Variants in ASF1B observed in about 807,000 individuals in gnomAD.
ASF1B encodes histone chaperone ASF1B.
A neutral mutation model predicts 16.6 loss-of-function variants in ASF1B; 10 were observed. That is an observed-to-expected ratio of 0.60 (90% CI 0.37 to 1.02). The LOEUF is 1.02. Among genes scored for constraint, ASF1B ranks in the 50% least tolerant of loss-of-function variants. The pLI is 0.01. For missense variants in ASF1B, 240 were observed against 266.0 expected, an observed-to-expected ratio of 0.90 and a Z score of 0.68; for synonymous variants, 101 against 106.2, an observed-to-expected ratio of 0.95 and a Z score of 0.30.
At chr19:14,127,337 G>A (rs557203267) in intron 1 of ASF1B, among the ~76,000 whole-genome samples, 5 of 152,338 alleles carry the variant, frequency 3.3e-5, no homozygotes, top group East Asian at 3.9e-4. Context: ...TGACACAGAC[G>A]TGCTGAGAAG....
In ASF1B at chr19:14,135,031, C is replaced by T. The variant is rs534788328; in HGVS notation, c.109+1317G>A. ...TTGAGGTCAGGAGTTCGAGACCAAC[C>T]TGGCTAACATGGTGAAACGCTGCCT... On this transcript the variant is annotated intron_variant, in intron 1 of 3. Transcript: ENST00000263382. 2.6e-3 allele frequency among the ~76,000 whole-genome samples: 396 copies of T among 151,962 alleles called. 2 individuals are homozygous for T. Among genetic ancestry groups the T allele is most frequent in the African/African-American group, 8.8e-3 (365 of 41,480 alleles).
In ASF1B at chr19:14,120,013, A is replaced by C. The variant is rs1568542408; in HGVS notation, c.*446T>G. The C allele has an allele frequency of 6.3e-6, 1 of 157,672 alleles. No homozygotes were observed. The highest frequency in any genetic ancestry group is 2.4e-5 in the African/African-American group (1 of 41,540). The allele number at this position is 157,672 out of a possible 1,614,324, so 9.8% of individuals were successfully genotyped here. On this transcript the variant is annotated 3_prime_UTR_variant, in exon 4 of 4. Transcript: ENST00000263382. ...AACTAACATTCCCGCCTGTGACACC[A>C]GAAAGCTGGAGTGGGTCTGCTCAGA...
At chr19:14,121,897 A>C (rs934409672) in intron 2 of ASF1B, among the ~76,000 whole-genome samples, 189 bp from the exon 3 acceptor site, 1 of 150,538 alleles carries the variant, frequency 6.6e-6, no homozygotes, top group East Asian at 1.9e-4. Context: ...CTGGGACTAC[A>C]GGCACACACC....
intron 1 of ASF1B, among the ~76,000 whole-genome samples, chr19:14,129,034 T>C (rs543962180): frequency 3.1e-4 from 47 of 152,244 alleles, no homozygotes; most frequent in African/African-American, 1.1e-3. Context: ...ACAAAGAGCA[T>C]GTGGAAACTC....
chr19:14,129,863 A>ACG (rs1967375317), intron 1 of ASF1B, among the ~76,000 whole-genome samples: 1 of 150,978 alleles, frequency 6.6e-6, no homozygotes, highest in Non-Finnish European at 1.5e-5. Context: ...CCTGGGCAAC[A>ACG]TGGTGATACA....
chr19:14,131,304 C>T (rs1967401030), intron 1 of ASF1B, among the ~76,000 whole-genome samples: 1 of 151,676 alleles, frequency 6.6e-6, no homozygotes, highest in Non-Finnish European at 1.5e-5. Context: ...TCTGCCTCAG[C>T]CTCCTGAGTA....
rs770397947 is a variant in ASF1B at position 14,126,238 on chromosome 19, C to G, written c.110-1G>C. 9 of 1,608,540 alleles carry G rather than the reference C, an allele frequency of 5.6e-6. No individual in the cohort carries two copies. The highest frequency in any genetic ancestry group is 7.6e-6 in the Non-Finnish European group (9 of 1,177,298). Reference sequence around the variant, plus strand: ...ACATAAATGATCTTCCACTCCAGGTCTGCAAAGATATAGGAGGGTTAACTA... The same window carrying G: ...ACATAAATGATCTTCCACTCCAGGTGTGCAAAGATATAGGAGGGTTAACTA... On this transcript the variant is annotated splice_acceptor_variant, in intron 1 of 3. Coordinates refer to ENST00000263382, the MANE Select transcript of ASF1B (RefSeq NM_018154.3). LOFTEE classifies it high-confidence loss of function.
chr19:14,126,471 A>T (rs905642087), intron 1 of ASF1B, among the ~76,000 whole-genome samples: 1 of 149,148 alleles, frequency 6.7e-6, no homozygotes, highest in Non-Finnish European at 1.5e-5. Context: ...CGCCTAGCTA[A>T]TTTTTTTTTT....
chr19:14,120,524 TGATA>T lies in ASF1B; in HGVS notation c.540_543del (p.Ile181ArgfsTer65). The T allele has an allele frequency of 1.2e-6, 2 of 1,613,442 alleles. No homozygotes were observed. Among genetic ancestry groups the T allele is most frequent in the Non-Finnish European group, 1.7e-6 (2 of 1,179,666 alleles). The stretch of plus-strand genomic sequence containing the variant: ...ATGCAGCCAGGGAGCCCCAAGCCCT[TGATA>T]GGAGTGCAGTTGAGTGGGAGGCCGC... On this transcript the variant is annotated frameshift_variant, in exon 4 of 4. Coordinates refer to ENST00000263382, the MANE Select transcript of ASF1B (RefSeq NM_018154.3). LOFTEE classifies it high-confidence loss of function.
chr19:14,130,038 G>A (rs1448821762), intron 1 of ASF1B, among the ~76,000 whole-genome samples: 7 of 151,718 alleles, frequency 4.6e-5, no homozygotes, highest in East Asian at 3.9e-4. Flanking sequence ...TGGGCGTGGT[G>A]GTGTGCACCT....
rs137874538 is a variant in ASF1B, at chr19:14,126,281, G to C, written c.110-44C>G. On this transcript the variant is annotated intron_variant, in intron 1 of 3. Transcript: ENST00000263382. ...GTTAACTAATTGAAATAGCTCAACA[G>C]CAAGAAGGCAGGGATAGGCTCTTGT... is the stretch of plus-strand genomic sequence containing the variant. 871 of 1,388,924 alleles carry C rather than the reference G, an allele frequency of 6.3e-4. 5 individuals are homozygous for C. In the African/African-American group the frequency reaches 0.011, roughly 18 times the overall value. The allele number at this position is 1,388,924 out of a possible 1,614,324, so 86.0% of individuals were successfully genotyped here. A position where few individuals can be genotyped will look rare whatever the true frequency, so the allele number is the denominator to read the frequency against.
rs1967504617 is a variant in ASF1B at position 14,136,466 on chromosome 19, T to G, written c.-10A>C. 1.9e-6 allele frequency: 3 copies of G among 1,610,874 alleles called. No individual in the cohort carries two copies. Among genetic ancestry groups the G allele is most frequent in the Admixed American group, 1.7e-5 (1 of 59,812 alleles). ...CCGACACCTTGGCCATCGCCTCGCC[T>G]CGCCGCGCCGCAGCAGGGGCAGGGG... is the stretch of plus-strand genomic sequence containing the variant. On this transcript the variant is annotated 5_prime_UTR_variant, in exon 1 of 4. Coordinates refer to ENST00000263382, the MANE Select transcript of ASF1B (RefSeq NM_018154.3).
rs1169495028 is a variant in ASF1B at position 14,120,333 on chromosome 19, G to A, written c.*126C>T. ...AGACCCAAGGCCTGTTCTTTCCTAG[G>A]GGCTGAGTTTGACAGACCTGGATTG... On this transcript the variant is annotated 3_prime_UTR_variant, in exon 4 of 4. Transcript: ENST00000263382. 2.2e-6 allele frequency: 2 copies of A among 902,010 alleles called. No homozygotes were observed. The highest frequency in any genetic ancestry group is 3.4e-5 in the African/African-American group (2 of 58,486). 55.9% of individuals were successfully genotyped at this position (902,010 alleles called of 1,614,324 possible). A position where few individuals can be genotyped will look rare whatever the true frequency, so the allele number is the denominator to read the frequency against.
intron 1 of ASF1B, among the ~76,000 whole-genome samples, chr19:14,134,593 G>T (rs990035658): frequency 2.0e-5 from 3 of 152,154 alleles, no homozygotes; most frequent in African/African-American, 7.2e-5. Flanking sequence ...CTTCCTGAAA[G>T]CAGGACTTGC....
At chr19:14,125,693 C>G (rs773328539) in intron 2 of ASF1B, among the ~76,000 whole-genome samples, 1 of 152,130 alleles carries the variant, frequency 6.6e-6, no homozygotes, top group Non-Finnish European at 1.5e-5. Context: ...TCTGAGACTA[C>G]AGGCGCACAC....
intron 1 of ASF1B, among the ~76,000 whole-genome samples, chr19:14,132,853 C>T (rs529791572): frequency 1.3e-5 from 2 of 151,586 alleles, no homozygotes; most frequent in South Asian, 2.1e-4. Flanking sequence ...AATCATACGA[C>T]GGGCACGGTG....
Position 14,129,845 on chromosome 19 carries a change from G to C in ASF1B, c.110-3608C>G, listed in dbSNP as rs142827019. ...GTGGATTGCTTGAGCTCAGAAGTTC[G>C]AGATCAGCCTGGGCAACATGGTGAT... On this transcript the variant is annotated intron_variant, in intron 1 of 3. Coordinates refer to ENST00000263382, the MANE Select transcript of ASF1B (RefSeq NM_018154.3). 1.7e-3 allele frequency among the ~76,000 whole-genome samples: 256 copies of C among 151,074 alleles called. 1 individual carries two copies. The highest frequency in any genetic ancestry group is 4.2e-3 in the Admixed American group (64 of 15,168).
rs1470307165 is a variant in ASF1B at position 14,119,678 on chromosome 19, T to C, written c.*781A>G. 2 of 152,688 alleles carry C rather than the reference T, an allele frequency of 1.3e-5. No individual in the cohort carries two copies. Among genetic ancestry groups the C allele is most frequent in the African/African-American group, 2.4e-5 (1 of 41,444 alleles). The allele number at this position is 152,688 out of a possible 1,614,324, so 9.5% of individuals were successfully genotyped here. A position where few individuals can be genotyped will look rare whatever the true frequency, so the allele number is the denominator to read the frequency against. ...GACAGTTTTCAGGGTCCCAGTTGCT[T>C]CCCTGGCTTGAAATCACCCTGGTCC... On this transcript the variant is annotated 3_prime_UTR_variant, in exon 4 of 4. Transcript: ENST00000263382.
chr19:14,126,292 G>A, intron 1 of ASF1B, 55 bp from the exon 2 acceptor site: 1 of 1,309,718 alleles, frequency 7.6e-7, no homozygotes, highest in Admixed American at 1.8e-5. Context: ...CAAGAAGGCA[G>A]GGATAGGCTC....
Sources: allele counts gnomAD v4.1 joint callset (sites outside exome capture counted in the v4.1 genomes callset), GRCh38; gene constraint gnomAD v4.1.1; transcripts MANE v1.5; gene names NCBI Gene and HGNC (gene_info 2026-07-23, HGNC 2026-07-21).